SUN1: variants seen among roughly 807,000 people sequenced by gnomAD.
SUN1 encodes Sad1 and UNC84 domain containing 1, also known as SUN domain-containing protein 1.
SUN1 carries 61 observed loss-of-function variants against 103.2 expected under a neutral mutation model. The ratio of observed to expected loss-of-function variants is 0.59; its 90% CI spans 0.48 to 0.73. The LOEUF is 0.73. Among genes scored for constraint, SUN1 ranks in the 30% least tolerant of loss-of-function variants. The probability of loss-of-function intolerance (pLI) is 0.00; values close to 1 mark genes in which losing one functional copy is unlikely to be tolerated. For missense variants in SUN1, 1,052 were observed against 1,034.6 expected (o/e 1.02, Z -0.23); for synonymous variants, 490 against 425.7 (o/e 1.15, Z -1.86).
intron 1 of SUN1, among the ~76,000 whole-genome samples, chr7:837,651 C>T (rs969311726): frequency 6.6e-6 from 1 of 152,076 alleles, no homozygotes; most frequent in African/African-American, 2.4e-5. Flanking sequence ...TTATGTTCCC[C>T]CAAACATTGC....
At position 842,079 on chromosome 7, in the gene SUN1, G is replaced by A. The variant is rs1423146016; in HGVS notation, c.400G>A (p.Val134Ile). ...LQDAVTRRPP[V>I]LDESWIREQT... ...GGATGCTGTGACTCGACGGCCTCCT[G>A]TATTGGACGAGTCTTGGATTCGTGA... The change falls in exon 3 of 19, where the codon GTA (valine) becomes ATA (isoleucine). Residue 134 changes from valine (V) to isoleucine (I), a missense_variant. This residue lies in a region of SUN1 where 846 missense variants were observed against 774.5 expected (regional missense o/e 1.09). Transcript: ENST00000401592. 2 of 1,614,120 alleles carry A rather than the reference G, an allele frequency of 1.2e-6. No individual in the cohort carries two copies. Among genetic ancestry groups the A allele is most frequent in the African/African-American group, 1.3e-5 (1 of 74,932 alleles).
intron 1 of SUN1, among the ~76,000 whole-genome samples, chr7:826,074 A>G (rs1791527516): frequency 6.6e-6 from 1 of 152,070 alleles, no homozygotes; most frequent in Non-Finnish European, 1.5e-5. Context: ...CCCTGTCTCT[A>G]AGAAAATAAA....
At chr7:840,993 G>C (rs1302103880) in intron 2 of SUN1, among the ~76,000 whole-genome samples, 7 of 151,652 alleles carry the variant, frequency 4.6e-5, no homozygotes, top group Non-Finnish European at 8.8e-5. Flanking sequence ...GAGTGCAATG[G>C]CGCGATCTTG....
intron 14 of SUN1, among the ~76,000 whole-genome samples, chr7:861,178 C>T (rs1831921688): frequency 6.6e-6 from 1 of 152,210 alleles, no homozygotes; most frequent in Admixed American, 6.5e-5. Flanking sequence ...GCCTCGTGCC[C>T]TCCCATCTCC....
At chr7:822,889 C>T (rs1010237560) in intron 1 of SUN1, among the ~76,000 whole-genome samples, 1 of 152,144 alleles carries the variant, frequency 6.6e-6, no homozygotes, top group African/African-American at 2.4e-5. Context: ...CGCGAATTCC[C>T]GCACACACAC....
At chr7:843,278 A>G (rs750774778) in intron 4 of SUN1, 46 bp downstream of exon 4, 2 of 1,605,174 alleles carry the variant, frequency 1.2e-6, no homozygotes, top group Middle Eastern at 1.7e-4. Flanking sequence ...TCAAAATAGA[A>G]GTTTTAGTTA....
At chr7:832,799 C>T (rs1319780426) in intron 1 of SUN1, among the ~76,000 whole-genome samples, 198 bp downstream of exon 1, 1 of 152,050 alleles carries the variant, frequency 6.6e-6, no homozygotes, top group Non-Finnish European at 1.5e-5. Context: ...ATCTGTTCAT[C>T]CTGGTGACTG....
chr7:828,533 A>G (rs948816617), upstream of SUN1, among the ~76,000 whole-genome samples: 31 of 152,136 alleles, frequency 2.0e-4, no homozygotes, highest in Admixed American at 2.0e-3. Context: ...CTGCCTCCCA[A>G]AGTGCTGGGA....
intron 15 of SUN1, 107 bp from the exon 16 acceptor site, chr7:865,845 C>T (rs962697279): frequency 8.1e-6 from 7 of 867,392 alleles, no homozygotes; most frequent in African/African-American, 1.7e-5. Context: ...TCAGTGATGT[C>T]GAGCACTTTT....
intron 2 of SUN1, among the ~76,000 whole-genome samples, chr7:839,886 G>T (rs1161137496): frequency 6.6e-6 from 1 of 152,184 alleles, no homozygotes; most frequent in Admixed American, 6.5e-5. Context: ...TTAAAAATCT[G>T]TGTGTTAACT....
At chr7:844,755 TC>T (rs1295052261) in intron 5 of SUN1, among the ~76,000 whole-genome samples, 2 of 152,124 alleles carry the variant, frequency 1.3e-5, no homozygotes, top group African/African-American at 4.8e-5. Context: ...TCATGGGTGA[TC>T]ACGGCAGCCC....
At chr7:839,865 T>G (rs1247366857) in intron 2 of SUN1, among the ~76,000 whole-genome samples, 4 of 152,210 alleles carry the variant, frequency 2.6e-5, no homozygotes, top group African/African-American at 7.2e-5. Context: ...AGTTCATTCT[T>G]TAGGTCTTTA....
At chr7:835,503 T>A (rs918823241) in intron 1 of SUN1, among the ~76,000 whole-genome samples, 6 of 152,362 alleles carry the variant, frequency 3.9e-5, no homozygotes, top group Admixed American at 2.6e-4. Context: ...AATTTTTTTT[T>A]AAATTAGCCT....
At chr7:837,363 C>T (rs1804428537) in intron 1 of SUN1, among the ~76,000 whole-genome samples, 1 of 152,214 alleles carries the variant, frequency 6.6e-6, no homozygotes, top group African/African-American at 2.4e-5. Flanking sequence ...GCTGAGTTAA[C>T]CTCGTGTGCC....
chr7:833,382 C>G (rs539800185), intron 1 of SUN1, among the ~76,000 whole-genome samples: 8 of 150,964 alleles, frequency 5.3e-5, no homozygotes, highest in Admixed American at 5.3e-4. Flanking sequence ...GCAATCTCGG[C>G]TCACTGCAAC....
rs1584946287 is a variant in SUN1, at chr7:854,931, G to T, written c.1275G>T (p.Met425Ile). Residue 425 changes from methionine to isoleucine, a missense_variant, in exon 11 of 19, where the codon ATG becomes ATT. Around this residue, in one of 2 missense-constraint regions of SUN1, gnomAD observed 846 missense variants for 774.5 expected, o/e 1.09. Coordinates refer to ENST00000401592, the MANE Select transcript of SUN1 (RefSeq NM_001130965.3). ...TTCTCTTTCCTAAGACTGACTTTAT[G>T]GCCTTTCACCAAGAACATGAAGTGC... ...VGQPPRETDF[M>I]AFHQEHEVRM... The T allele has an allele frequency of 2.5e-6, 4 of 1,612,480 alleles. No individual in the cohort carries two copies. Among genetic ancestry groups the T allele is most frequent in the Non-Finnish European group, 3.4e-6 (4 of 1,179,350 alleles).
chr7:817,303 C>A lies in SUN1; in HGVS notation c.-74+630C>A, dbSNP rs1373580114. On this transcript the variant is annotated intron_variant, in intron 1 of 17. Coordinates refer to the SUN1 transcript ENST00000389574. ...AGGGTTGTGGTCTCTCCATGCTGCCCAGGTCGGACTCCTAGGCTCAAGCGA... is the reference window on the plus strand; with the variant it reads ...AGGGTTGTGGTCTCTCCATGCTGCCAAGGTCGGACTCCTAGGCTCAAGCGA... 1.0e-5 allele frequency: 9 copies of A among 902,168 alleles called. 1 individual carries two copies. In the South Asian group the frequency reaches 1.1e-4, roughly 11 times the overall value. 55.9% of individuals were successfully genotyped at this position (902,168 alleles called of 1,614,324 possible). A position where few individuals can be genotyped will look rare whatever the true frequency, so the allele number is the denominator to read the frequency against.
In SUN1 at chr7:848,610, C is replaced by T. The variant is rs770886115; in HGVS notation, c.659-2774C>T. The T allele has an allele frequency of 1.8e-5, 24 of 1,327,684 alleles. No individual in the cohort carries two copies. The African/African-American group carries it at 3.2e-4, about 18-fold the overall frequency. The allele number at this position is 1,327,684 out of a possible 1,614,324, so 82.2% of individuals were successfully genotyped here. ...AGCTATAAGTCAAAAAGCCATGAATCAAAAGGTATTTAAATATTTTTTCCC... is the reference window on the plus strand; with the variant it reads ...AGCTATAAGTCAAAAAGCCATGAATTAAAAGGTATTTAAATATTTTTTCCC... On this transcript the variant is annotated intron_variant, in intron 5 of 18. Transcript: ENST00000401592.
intron 9 of SUN1, 148 bp from the exon 10 acceptor site, chr7:853,261 G>T (rs1193425416): frequency 1.1e-6 from 1 of 925,588 alleles, no homozygotes; most frequent in African/African-American, 1.7e-5. Context: ...GATCAAACCT[G>T]ATACTCCGGG....
Sources: allele counts gnomAD v4.1 joint callset (sites outside exome capture counted in the v4.1 genomes callset), GRCh38; gene constraint gnomAD v4.1.1; regional missense constraint gnomAD v4.1.1; transcripts MANE v1.5; gene names NCBI Gene and HGNC (gene_info 2026-07-23, HGNC 2026-07-21).